The following GCLC variants were observed in gnomAD, a reference collection of about 807,000 sequenced individuals.
GCLC encodes the protein glutamate-cysteine ligase catalytic subunit.
A neutral mutation model predicts 81.5 loss-of-function variants in GCLC; 30 were observed. That is an observed-to-expected ratio of 0.37 (90% CI 0.28 to 0.50). The LOEUF is 0.50. Among genes scored for constraint, GCLC ranks in the 20% least tolerant of loss-of-function variants. The pLI, the probability that GCLC is intolerant of heterozygous loss-of-function variation, is 0.96. For missense variants in GCLC, 556 were observed against 777.4 expected, an observed-to-expected ratio of 0.72 and a Z score of 3.39; for synonymous variants, 262 against 273.3, an observed-to-expected ratio of 0.96 and a Z score of 0.41.
chr6:53,517,285 C>T (rs1382570333), intron 3 of GCLC, among the ~76,000 whole-genome samples: 1 of 115,886 alleles, frequency 8.6e-6, no homozygotes, highest in East Asian at 2.8e-4. Context: ...TTTCCAGGGA[C>T]GAGGTCTCAC....
intron 1 of GCLC, among the ~76,000 whole-genome samples, chr6:53,531,103 A>AAGT (rs1207476442): frequency 6.6e-6 from 1 of 152,158 alleles, no homozygotes; most frequent in East Asian, 1.9e-4. Context: ...AATGCATGTA[A>AAGT]AGTGCTAAAA....
chr6:53,522,235 C>T (rs1435093011), intron 2 of GCLC, among the ~76,000 whole-genome samples, 180 bp downstream of exon 2: 1 of 152,180 alleles, frequency 6.6e-6, no homozygotes, highest in Non-Finnish European at 1.5e-5. Context: ...AGTTAAGTAA[C>T]TTGCCCAAGG....
intron 3 of GCLC, among the ~76,000 whole-genome samples, chr6:53,519,453 C>T (rs902871472): frequency 4.4e-5 from 6 of 137,736 alleles, no homozygotes; most frequent in Non-Finnish European, 9.4e-5. Flanking sequence ...CCACTGGATA[C>T]CTAGGTTGTA....
chr6:53,541,307 G>A (rs138315478), intron 1 of GCLC, among the ~76,000 whole-genome samples: 11 of 152,178 alleles, frequency 7.2e-5, no homozygotes, highest in Non-Finnish European at 1.6e-4. Context: ...GAACAAGCGC[G>A]GGGGAGACCA....
At chr6:53,505,279 T>C (rs1764591363) in intron 12 of GCLC, 113 bp downstream of exon 12, 5 of 695,834 alleles carry the variant, frequency 7.2e-6, no homozygotes, top group Non-Finnish European at 1.3e-5. Context: ...AAACATTTTA[T>C]TGCAAAGGGT....
chr6:53,500,201 G>A (rs199922641), intron 14 of GCLC, 36 bp from the exon 15 acceptor site: 34 of 1,613,340 alleles, frequency 2.1e-5, no homozygotes, highest in Middle Eastern at 1.6e-4. Flanking sequence ...ACTCCCTGCC[G>A]GGGGATGTGC....
intron 12 of GCLC, chr6:53,500,869 C>T: frequency 2.8e-6 from 1 of 357,826 alleles, no homozygotes; most frequent in South Asian, 2.4e-5. Flanking sequence ...CAGTGTCTCA[C>T]CAGGAGTCCC....
chr6:53,511,711 G>A (rs944353401), intron 6 of GCLC, among the ~76,000 whole-genome samples: 4 of 143,636 alleles, frequency 2.8e-5, no homozygotes, highest in Non-Finnish European at 3.0e-5. Context: ...AAAAAGCTAT[G>A]AATACATGAC....
At chr6:53,500,538 T>C (rs778398281) in intron 12 of GCLC, 25 bp from the exon 13 acceptor site, 1 of 1,482,958 alleles carries the variant, frequency 6.7e-7, no homozygotes, top group Admixed American at 1.7e-5. Flanking sequence ...GAATCACGAC[T>C]AAGTCAAAAT....
chr6:53,515,591 G>T (rs1431838437), intron 4 of GCLC, among the ~76,000 whole-genome samples: 1 of 152,186 alleles, frequency 6.6e-6, no homozygotes, highest in African/African-American at 2.4e-5. Context: ...GCTAAGATCA[G>T]GCTAGTGAGA....
In GCLC at chr6:53,520,285, T is replaced by C. The variant is rs536991108; in HGVS notation, c.446+493A>G. Among the ~76,000 whole-genome samples the C allele has an allele frequency of 3.9e-5, 6 of 152,346 alleles. No homozygotes were observed. In the South Asian group the frequency reaches 1.0e-3, roughly 26 times the overall value. ...AATGACTCACGTTGTTCATAGAGCA[T>C]CGGTATCGATAGTGCTTTGGGAGCA... On this transcript the variant is annotated intron_variant, in intron 3 of 15. Coordinates refer to ENST00000650454, the MANE Select transcript of GCLC (RefSeq NM_001498.4).
chr6:53,530,159 A>T (rs1763147823), intron 1 of GCLC, among the ~76,000 whole-genome samples: 1 of 152,232 alleles, frequency 6.6e-6, no homozygotes, highest in Non-Finnish European at 1.5e-5. Flanking sequence ...GTCCAAAGTG[A>T]CTGCTAGTGC....
intron 3 of GCLC, among the ~76,000 whole-genome samples, 198 bp downstream of exon 3, chr6:53,520,580 C>T (rs941848528): frequency 8.5e-5 from 13 of 152,230 alleles, no homozygotes; most frequent in African/African-American, 2.9e-4. Flanking sequence ...CACGGTGCAG[C>T]CACCACAGCT....
chr6:53,527,570 G>A (rs1763104062), intron 1 of GCLC, among the ~76,000 whole-genome samples: 1 of 152,060 alleles, frequency 6.6e-6, no homozygotes, highest in Non-Finnish European at 1.5e-5. Flanking sequence ...GGAATACTGT[G>A]AAGAGCCAGG....
At chr6:53,523,769 A>T (rs1455250863) in intron 1 of GCLC, 1 of 152,246 alleles carries the variant, frequency 6.6e-6, no homozygotes, top group Non-Finnish European at 1.5e-5. Flanking sequence ...ATATGATTAT[A>T]AAGAGGAAAA....
chr6:53,498,818 ACT>A lies in GCLC; in HGVS notation c.1850_1851del (p.Glu617ValfsTer7), dbSNP rs754681239. ...ACTTTCCTAAATGCTGATCCAAGTAACTCTGGGCATTCACATAATTCATTTGC... is the reference window on the plus strand; with the variant it reads ...ACTTTCCTAAATGCTGATCCAAGTAACTGGGCATTCACATAATTCATTTGC... ...QIANELCECP[E>X]LLGSAFRKVK... On this transcript the variant is annotated frameshift_variant, in exon 16 of 16. Transcript: ENST00000650454. LOFTEE classifies it high-confidence loss of function. 4.3e-6 allele frequency: 7 copies of A among 1,613,608 alleles called. No homozygotes were observed. Among genetic ancestry groups the A allele is most frequent in the Non-Finnish European group, 5.9e-6 (7 of 1,179,562 alleles).
intron 1 of GCLC, among the ~76,000 whole-genome samples, chr6:53,524,992 T>C (rs867296156): frequency 1.3e-5 from 2 of 152,028 alleles, no homozygotes; most frequent in South Asian, 2.1e-4. Context: ...CAAACCAAAC[T>C]CTCCTCAATT....
chr6:53,529,835 T>C (rs1479281910), intron 1 of GCLC, among the ~76,000 whole-genome samples: 1 of 152,222 alleles, frequency 6.6e-6, no homozygotes, highest in Non-Finnish European at 1.5e-5. Flanking sequence ...ATGGAGAATT[T>C]CTGCAGCGGT....
At chr6:53,524,747 A>T (rs904631562) in intron 1 of GCLC, among the ~76,000 whole-genome samples, 1 of 152,266 alleles carries the variant, frequency 6.6e-6, no homozygotes, top group Non-Finnish European at 1.5e-5. Context: ...TACTGAGTGC[A>T]TCATTTATTT....
Sources: gnomAD v4.1 joint callset for allele counts (sites outside exome capture counted in the v4.1 genomes callset) on GRCh38, gnomAD v4.1.1 for gene constraint, MANE v1.5 for transcripts, NCBI Gene and HGNC (gene_info 2026-07-23, HGNC 2026-07-21) for gene names.